Variants in CAMTA1 observed in about 807,000 individuals in gnomAD.
CAMTA1 encodes calmodulin-binding transcription activator 1.
In CAMTA1, 27 loss-of-function variants were observed where a neutral mutation model predicts 170.9. That is an observed-to-expected ratio of 0.16 (90% CI 0.12 to 0.22). CAMTA1 has a LOEUF of 0.22. CAMTA1 is among the 10% of genes least tolerant of loss of function. The probability of loss-of-function intolerance (pLI) is 1.00; values close to 1 mark genes in which losing one functional copy is unlikely to be tolerated. For missense variants in CAMTA1, 1,619 were observed against 2,217.2 expected (o/e 0.73, Z 5.42); for synonymous variants, 833 against 891.5 (o/e 0.93, Z 1.17).
At chr1:7,104,264 T>G (rs1643336416) in intron 4 of CAMTA1, among the ~76,000 whole-genome samples, 1 of 107,252 alleles carries the variant, frequency 9.3e-6, no homozygotes, top group Admixed American at 1.0e-4. Flanking sequence ...TACACACAAC[T>G]ACATACATGC....
intron 6 of CAMTA1, among the ~76,000 whole-genome samples, chr1:7,501,942 C>A (rs1235635359): frequency 6.6e-6 from 1 of 152,198 alleles, no homozygotes; most frequent in Non-Finnish European, 1.5e-5. Context: ...GCTTTGGGAC[C>A]CCTGGTGTTT....
intron 4 of CAMTA1, among the ~76,000 whole-genome samples, chr1:7,152,712 G>A (rs1363412530): frequency 2.6e-5 from 4 of 152,252 alleles, no homozygotes; most frequent in East Asian, 1.9e-4. Context: ...CTCCCAGCCC[G>A]AGACTCTTTC....
intron 7 of CAMTA1, among the ~76,000 whole-genome samples, chr1:7,648,097 GAGAGA>G (rs1255944451): frequency 6.6e-6 from 1 of 151,990 alleles, no homozygotes; most frequent in Non-Finnish European, 1.5e-5. Context: ...GAAAAGAAGA[GAGAGA>G]AGAGAAGAGG....
At chr1:7,598,199 C>T (rs1473039819) in intron 6 of CAMTA1, among the ~76,000 whole-genome samples, 1 of 149,248 alleles carries the variant, frequency 6.7e-6, no homozygotes, top group Non-Finnish European at 1.5e-5. Context: ...GGTTTTTTAT[C>T]CTTGTGATAG....
chr1:7,606,480 T>C (rs995097551), intron 6 of CAMTA1, among the ~76,000 whole-genome samples: 1 of 152,232 alleles, frequency 6.6e-6, no homozygotes, highest in Middle Eastern at 3.2e-3. Flanking sequence ...AACCAGAAAC[T>C]TGCTGTATCT....
chr1:7,330,017 C>G (rs2082923896), intron 5 of CAMTA1, among the ~76,000 whole-genome samples: 3 of 152,296 alleles, frequency 2.0e-5, no homozygotes, highest in African/African-American at 7.2e-5. Flanking sequence ...GGCACCTCAG[C>G]CCTCTGCTTC....
chr1:7,446,693 C>T (rs906868623), intron 5 of CAMTA1, among the ~76,000 whole-genome samples: 7 of 152,192 alleles, frequency 4.6e-5, no homozygotes, highest in African/African-American at 9.7e-5. Context: ...AGGGGCTGCC[C>T]GCTGGCTTAG....
At chr1:7,764,588 A>G (rs2097002845) in intron 22 of CAMTA1, among the ~76,000 whole-genome samples, 1 of 152,144 alleles carries the variant, frequency 6.6e-6, no homozygotes, top group Non-Finnish European at 1.5e-5. Context: ...GCCATTCCAG[A>G]CTCTCAACCT....
chr1:7,028,184 C>T (rs1005300947), intron 3 of CAMTA1, among the ~76,000 whole-genome samples: 16 of 152,278 alleles, frequency 1.1e-4, no homozygotes, highest in African/African-American at 3.4e-4. Flanking sequence ...GGATTACAGG[C>T]GTGTGCCACT....
chr1:6,968,597 T>C (rs547139897), intron 3 of CAMTA1, among the ~76,000 whole-genome samples: 2 of 152,174 alleles, frequency 1.3e-5, no homozygotes, highest in African/African-American at 4.8e-5. Context: ...GTAGTTAGGA[T>C]TGTGATCGAT....
intron 5 of CAMTA1, among the ~76,000 whole-genome samples, chr1:7,290,470 C>T (rs1372863990): frequency 6.6e-6 from 1 of 152,188 alleles, no homozygotes; most frequent in Non-Finnish European, 1.5e-5. Flanking sequence ...GGGACACCTG[C>T]CTTCAGTGAG....
chr1:6,839,859 G>T (rs1654939876), intron 3 of CAMTA1, among the ~76,000 whole-genome samples: 1 of 152,204 alleles, frequency 6.6e-6, no homozygotes, highest in Admixed American at 6.5e-5. Flanking sequence ...GATGAGCTGG[G>T]TGAGGTAGGT....
intron 4 of CAMTA1, among the ~76,000 whole-genome samples, chr1:7,096,916 A>G (rs1642151290): frequency 6.6e-6 from 1 of 151,962 alleles, no homozygotes; most frequent in Non-Finnish European, 1.5e-5. Flanking sequence ...TTCTGTCTCA[A>G]CCCACCCTTT....
At chr1:7,432,199 G>A (rs955232281) in intron 5 of CAMTA1, among the ~76,000 whole-genome samples, 9 of 152,180 alleles carry the variant, frequency 5.9e-5, no homozygotes, top group African/African-American at 2.2e-4. Context: ...GGTGCCAGGA[G>A]CATCCGTATT....
chr1:7,083,570 A>G (rs577959926), intron 3 of CAMTA1, among the ~76,000 whole-genome samples: 1 of 152,296 alleles, frequency 6.6e-6, no homozygotes, highest in South Asian at 2.1e-4. Context: ...TGGACTATTT[A>G]TCATGGGGGA....
chr1:7,501,082 C>G (rs758074364), intron 6 of CAMTA1, among the ~76,000 whole-genome samples: 1 of 152,128 alleles, frequency 6.6e-6, no homozygotes, highest in Non-Finnish European at 1.5e-5. Flanking sequence ...CTGTGCCACG[C>G]GCCACCCCTC....
At chr1:7,060,189 G>A (rs1707998788) in intron 3 of CAMTA1, among the ~76,000 whole-genome samples, 1 of 152,202 alleles carries the variant, frequency 6.6e-6, no homozygotes, top group African/African-American at 2.4e-5. Context: ...CAAACAGGAC[G>A]TAAACAGCAG....
chr1:6,902,227 G>A (rs1241834589), intron 3 of CAMTA1, among the ~76,000 whole-genome samples: 1 of 152,208 alleles, frequency 6.6e-6, no homozygotes, highest in Admixed American at 6.5e-5. Flanking sequence ...CCACTTCTAG[G>A]TATTTACCTA....
intron 3 of CAMTA1, among the ~76,000 whole-genome samples, chr1:7,016,245 C>T (rs546151926): frequency 3.5e-4 from 54 of 152,290 alleles, no homozygotes; most frequent in Non-Finnish European, 6.3e-4. Context: ...TATGTGTCAA[C>T]AGTTGGTTCC....
Sources: gnomAD v4.1 joint callset for allele counts (sites outside exome capture counted in the v4.1 genomes callset) on GRCh38, gnomAD v4.1.1 for gene constraint, MANE v1.5 for transcripts, NCBI Gene and HGNC (gene_info 2026-07-23, HGNC 2026-07-21) for gene names.